Variants in STXBP4 observed in about 807,000 individuals in gnomAD.
STXBP4 encodes the protein syntaxin binding protein 4.
Under a neutral mutation model 76.1 loss-of-function variants are expected in STXBP4, and 55 were observed. That is an observed-to-expected ratio of 0.72 (90% CI 0.58 to 0.91). STXBP4 has a LOEUF of 0.91. Ranked by LOEUF, STXBP4 falls within the 40% of genes least tolerant of loss-of-function variation. The pLI, the probability that STXBP4 is intolerant of heterozygous loss-of-function variation, is 0.00. For missense variants in STXBP4, 618 were observed against 636.9 expected, an observed-to-expected ratio of 0.97 and a Z score of 0.32; for synonymous variants, 201 against 220.2, an observed-to-expected ratio of 0.91 and a Z score of 0.77.
At chr17:55,070,239 A>G (rs1267894899) in intron 12 of STXBP4, among the ~76,000 whole-genome samples, 1 of 152,154 alleles carries the variant, frequency 6.6e-6, no homozygotes, top group Non-Finnish European at 1.5e-5. Flanking sequence ...AATGCAGATA[A>G]TAATAGACAT....
intron 14 of STXBP4, 133 bp downstream of exon 14, chr17:55,078,327 G>A (rs956229728): frequency 1.6e-6 from 1 of 624,506 alleles, no homozygotes; most frequent in African/African-American, 1.9e-5. Flanking sequence ...CTTATGGTCA[G>A]ATTTAGAACT....
chr17:55,084,778 G>C (rs1347493289), intron 16 of STXBP4, among the ~76,000 whole-genome samples: 5 of 152,148 alleles, frequency 3.3e-5, no homozygotes, highest in African/African-American at 1.2e-4. Flanking sequence ...GTTTGTCAAA[G>C]ATCAGATAGT....
At chr17:55,012,627 T>C (rs2078135212) in intron 8 of STXBP4, among the ~76,000 whole-genome samples, 1 of 152,046 alleles carries the variant, frequency 6.6e-6, no homozygotes, top group Non-Finnish European at 1.5e-5. Context: ...ATACTCAGAG[T>C]CTGTATATAT....
intron 13 of STXBP4, among the ~76,000 whole-genome samples, chr17:55,076,526 A>G (rs1376378329): frequency 6.6e-6 from 1 of 152,184 alleles, no homozygotes; most frequent in Non-Finnish European, 1.5e-5. Context: ...TTGTGATGTC[A>G]GCTGTCAATC....
the STXBP4 span, among the ~76,000 whole-genome samples, chr17:55,199,810 G>A: frequency 6.6e-6 from 1 of 152,142 alleles, no homozygotes; most frequent in African/African-American, 2.4e-5. Flanking sequence ...CCAAGGCCCG[G>A]CATGATCTAA....
At chr17:55,193,830 A>C in the STXBP4 span, among the ~76,000 whole-genome samples, 1 of 151,354 alleles carries the variant, frequency 6.6e-6, no homozygotes, top group Non-Finnish European at 1.5e-5. Flanking sequence ...AAAAAAAAAA[A>C]AAAACGTAAT....
intron 8 of STXBP4, among the ~76,000 whole-genome samples, chr17:55,023,642 G>A (rs1299440946): frequency 6.6e-6 from 1 of 151,706 alleles, no homozygotes; most frequent in East Asian, 1.9e-4. Flanking sequence ...TAGAAACAAT[G>A]AATAAAATAA....
the STXBP4 span, among the ~76,000 whole-genome samples, chr17:55,204,243 G>A: frequency 1.3e-5 from 2 of 151,754 alleles, no homozygotes; most frequent in African/African-American, 4.8e-5. Context: ...CTTAATTTCA[G>A]TTACTATATT....
chr17:55,044,927 A>T (rs1383629976), intron 11 of STXBP4, among the ~76,000 whole-genome samples: 2 of 151,948 alleles, frequency 1.3e-5, no homozygotes, highest in African/African-American at 4.8e-5. Flanking sequence ...AGATCTACCA[A>T]ATTCTTTTCA....
intron 16 of STXBP4, among the ~76,000 whole-genome samples, chr17:55,131,627 C>G (rs1320740889): frequency 6.6e-6 from 1 of 152,236 alleles, no homozygotes; most frequent in African/African-American, 2.4e-5. Flanking sequence ...TTTACCACCT[C>G]TAACCACTAA....
At chr17:55,098,906 C>T (rs1290690760) in intron 16 of STXBP4, among the ~76,000 whole-genome samples, 1 of 152,162 alleles carries the variant, frequency 6.6e-6, no homozygotes, top group Non-Finnish European at 1.5e-5. Context: ...TTAGCTAACA[C>T]CTAGAACAGT....
At chr17:55,105,290 T>G (rs1239418890) in intron 16 of STXBP4, among the ~76,000 whole-genome samples, 1 of 152,172 alleles carries the variant, frequency 6.6e-6, no homozygotes, top group Admixed American at 6.5e-5. Context: ...AAACACTGCT[T>G]TAGCTATGTC....
Position 54,986,165 on chromosome 17 carries a change from T to C in STXBP4, c.-55T>C. On this transcript the variant is annotated 5_prime_UTR_variant, in exon 3 of 18. Coordinates refer to ENST00000376352, the MANE Select transcript of STXBP4 (RefSeq NM_178509.6). ...AGGAAAAGAAGAATTTCTAGACTCT[T>C]CATCAAGATCTTCATTTATACAGCT... 1 of 1,433,706 alleles carries C rather than the reference T, an allele frequency of 7.0e-7. No homozygotes were observed. The highest frequency in any genetic ancestry group is 1.2e-5 in the South Asian group (1 of 81,776). 88.8% of individuals were successfully genotyped at this position (1,433,706 alleles called of 1,614,324 possible). A position where few individuals can be genotyped will look rare whatever the true frequency, so the allele number is the denominator to read the frequency against.
intron 7 of STXBP4, among the ~76,000 whole-genome samples, chr17:55,003,718 A>T (rs1320064823): frequency 6.6e-6 from 1 of 152,252 alleles, no homozygotes. Context: ...TAGAATTTTT[A>T]AAATCCACAT....
chr17:55,090,782 C>T (rs1253260577), intron 16 of STXBP4, among the ~76,000 whole-genome samples: 1 of 151,726 alleles, frequency 6.6e-6, no homozygotes, highest in Non-Finnish European at 1.5e-5. Flanking sequence ...GAAGAGGGAT[C>T]TCATGCTAAA....
In STXBP4 at chr17:55,034,465, A is replaced by G. The variant is rs2078564308; in HGVS notation, c.855+206A>G. Among the ~76,000 whole-genome samples the G allele has an allele frequency of 2.0e-5, 3 of 152,142 alleles. 1 individual carries two copies. Among genetic ancestry groups the G allele is most frequent in the African/African-American group, 7.2e-5 (3 of 41,450 alleles). On this transcript the variant is annotated intron_variant, in intron 10 of 17. Coordinates refer to ENST00000376352, the MANE Select transcript of STXBP4 (RefSeq NM_178509.6). ...TCTCTCGCTAGCCTCTTGTGCTACT[A>G]TCACACCTAAGTTTACCAGTATTGA...
rs749211501 is a variant in STXBP4, at chr17:55,168,564, A to G, written c.*8653A>G. On this transcript the variant is annotated 3_prime_UTR_variant, in exon 18 of 18. Transcript: ENST00000376352. ...ACTTAGTAGTTAGAATTTTTATCTT[A>G]TACGCCTTTAAGTAAATACAAGAGA... 10 of 152,216 alleles carry G rather than the reference A, an allele frequency of 6.6e-5. No homozygotes were observed. Among genetic ancestry groups the G allele is most frequent in the Admixed American group, 1.3e-4 (2 of 15,284 alleles). 9.4% of individuals were successfully genotyped at this position (152,216 alleles called of 1,614,324 possible). A position where few individuals can be genotyped will look rare whatever the true frequency, so the allele number is the denominator to read the frequency against.
At chr17:55,017,227 TCTCTGCCTGTTTCTCTCCTCTCTGC>T (rs1455719211) in intron 8 of STXBP4, among the ~76,000 whole-genome samples, 1 of 152,168 alleles carries the variant, frequency 6.6e-6, no homozygotes, top group Non-Finnish European at 1.5e-5. Flanking sequence ...CTCTTTCGCC[TCTCTGCCTGTTTCTCTCCTCTCTGC>T]CTCTGTCTCT....
intron 8 of STXBP4, among the ~76,000 whole-genome samples, chr17:55,018,342 CA>C (rs925450696): frequency 6.6e-6 from 1 of 152,202 alleles, no homozygotes; most frequent in Non-Finnish European, 1.5e-5. Context: ...TGGAAGTCAG[CA>C]GCGGGTCTGC....
Sources: gnomAD v4.1 joint callset for allele counts (sites outside exome capture counted in the v4.1 genomes callset) on GRCh38, gnomAD v4.1.1 for gene constraint, MANE v1.5 for transcripts, NCBI Gene and HGNC (gene_info 2026-07-23, HGNC 2026-07-21) for gene names.